The following MSRA variants were observed in gnomAD, a reference collection of about 807,000 sequenced individuals.
MSRA encodes the protein mitochondrial peptide methionine sulfoxide reductase.
MSRA carries 54 observed loss-of-function variants against 31.3 expected under a neutral mutation model. The observed-to-expected ratio is 1.73, with a 90% confidence interval of 1.39 to 2.17. The LOEUF is 2.17. MSRA is among the 30% of genes most tolerant of loss of function. MSRA has a pLI of 0.00. For synonymous variants in MSRA, 169 were observed against 116.5 expected (o/e 1.45, Z -2.90); for missense variants, 507 against 300.9 (o/e 1.69, Z -5.07).
intron 1 of MSRA, among the ~76,000 whole-genome samples, chr8:10,165,972 C>G (rs116476864): frequency 6.6e-6 from 1 of 152,188 alleles, no homozygotes; most frequent in East Asian, 1.9e-4. Context: ...GGGATTTGAA[C>G]TTGGCAGTGA....
At chr8:10,084,865 T>G (rs1001423604) in intron 1 of MSRA, among the ~76,000 whole-genome samples, 2 of 150,516 alleles carry the variant, frequency 1.3e-5, no homozygotes, top group African/African-American at 4.9e-5. Flanking sequence ...GAAATAAGTC[T>G]CGAGTTTAGA....
chr8:10,413,661 T>TAA (rs35633124), intron 5 of MSRA, among the ~76,000 whole-genome samples: 43,777 of 137,186 alleles, frequency 0.32, 7,086 homozygotes, highest in African/African-American at 0.35. Context: ...AGAGAGATAT[T>TAA]AAAAAAAAAA....
At chr8:10,123,982 A>T (rs543350719) in intron 1 of MSRA, among the ~76,000 whole-genome samples, 1 of 151,802 alleles carries the variant, frequency 6.6e-6, no homozygotes, top group African/African-American at 2.4e-5. Flanking sequence ...AGGGAGGAGT[A>T]GGTGTGAAGA....
intron 3 of MSRA, among the ~76,000 whole-genome samples, chr8:10,299,639 A>G (rs1800736632): frequency 6.6e-6 from 1 of 152,156 alleles, no homozygotes; most frequent in Non-Finnish European, 1.5e-5. Context: ...GCTAATAACC[A>G]TGAAATTTGT....
At chr8:10,250,466 T>C in intron 3 of MSRA, 1 of 702,486 alleles carries the variant, frequency 1.4e-6, no homozygotes, top group Non-Finnish European at 2.6e-6. Context: ...TCAAAAGCTT[T>C]TAGAAATCTG....
chr8:10,213,440 T>G (rs997086814), intron 2 of MSRA, among the ~76,000 whole-genome samples: 1 of 142,982 alleles, frequency 7.0e-6, no homozygotes, highest in Admixed American at 7.0e-5. Flanking sequence ...TTCTTTTTTT[T>G]TTTTTTTTTT....
intron 1 of MSRA, among the ~76,000 whole-genome samples, chr8:10,104,750 G>T (rs1213050718): frequency 6.6e-6 from 1 of 152,200 alleles, no homozygotes; most frequent in Admixed American, 6.5e-5. Flanking sequence ...CGGATATAAT[G>T]AGGCATGTCC....
rs552044190 is a variant in MSRA, at chr8:10,142,022, G to T, written c.143-65811G>T. Among the ~76,000 whole-genome samples the T allele has an allele frequency of 7.2e-5, 11 of 152,278 alleles. 1 individual carries two copies. In the South Asian group the frequency reaches 1.9e-3, roughly 26 times the overall value. On this transcript the variant is annotated intron_variant, in intron 1 of 5. Transcript: ENST00000317173. ...TTCCCAGTCTGGAGTGCAATGGCGC[G>T]ATCTTGGCTCACCGCAACCTCTGCC...
chr8:10,180,143 C>T (rs1420335342), intron 1 of MSRA, among the ~76,000 whole-genome samples: 1 of 152,232 alleles, frequency 6.6e-6, no homozygotes, highest in East Asian at 1.9e-4. Flanking sequence ...CTGCACTTCT[C>T]TCTGACTTGA....
intron 5 of MSRA, among the ~76,000 whole-genome samples, chr8:10,334,914 G>T (rs1054918232): frequency 1.3e-5 from 2 of 152,212 alleles, no homozygotes; most frequent in Non-Finnish European, 2.9e-5. Context: ...ATGGCTGTTC[G>T]GGCCCCGCCG....
At chr8:10,096,587 T>G (rs1799171174) in intron 1 of MSRA, among the ~76,000 whole-genome samples, 1 of 152,232 alleles carries the variant, frequency 6.6e-6, no homozygotes, top group African/African-American at 2.4e-5. Flanking sequence ...ATTTTATAAT[T>G]AAACGATTAC....
At chr8:10,058,950 T>C (rs1357242706) in intron 1 of MSRA, 1 of 152,242 alleles carries the variant, frequency 6.6e-6, no homozygotes, top group Non-Finnish European at 1.5e-5. Context: ...AATTGGATTA[T>C]AACATGAATT....
chr8:10,232,696 T>C (rs1167541389), intron 2 of MSRA, among the ~76,000 whole-genome samples: 1 of 152,158 alleles, frequency 6.6e-6, no homozygotes, highest in Non-Finnish European at 1.5e-5. Flanking sequence ...TAAAATCTCA[T>C]AATAAAAAAT....
intron 5 of MSRA, among the ~76,000 whole-genome samples, chr8:10,394,414 ATGT>A (rs1003362887): frequency 1.3e-5 from 2 of 152,252 alleles, no homozygotes; most frequent in Non-Finnish European, 1.5e-5. Flanking sequence ...AAGGGAATTA[ATGT>A]TGTATCAAAG....
At chr8:10,216,349 C>T (rs1380641487) in intron 2 of MSRA, among the ~76,000 whole-genome samples, 2 of 152,168 alleles carry the variant, frequency 1.3e-5, no homozygotes, top group African/African-American at 4.8e-5. Context: ...TCTATGTTTC[C>T]TAGCAGCAAC....
intron 2 of MSRA, 70 bp from the exon 3 acceptor site, chr8:10,245,034 A>G (rs1468775555): frequency 1.7e-5 from 25 of 1,482,612 alleles, no homozygotes; most frequent in Non-Finnish European, 2.2e-5. Flanking sequence ...TAACAGGTGT[A>G]TGTGGATGTG....
chr8:10,175,076 C>G (rs1377306567), intron 1 of MSRA, among the ~76,000 whole-genome samples: 1 of 152,122 alleles, frequency 6.6e-6, no homozygotes, highest in African/African-American at 2.4e-5. Flanking sequence ...ATTTCTGGTT[C>G]TACTCTACCT....
intron 2 of MSRA, among the ~76,000 whole-genome samples, chr8:10,235,794 A>T (rs984809472): frequency 2.6e-5 from 4 of 152,176 alleles, no homozygotes; most frequent in Non-Finnish European, 5.9e-5. Context: ...AAGAAAGGCT[A>T]GCCAACCAAT....
intron 1 of MSRA, among the ~76,000 whole-genome samples, chr8:10,063,184 G>A (rs1441537301): frequency 6.6e-6 from 1 of 152,098 alleles, no homozygotes; most frequent in Non-Finnish European, 1.5e-5. Flanking sequence ...AATCCCAGAA[G>A]CCGCAGTCAG....
Sources: gnomAD v4.1 joint callset for allele counts (sites outside exome capture counted in the v4.1 genomes callset) on GRCh38, gnomAD v4.1.1 for gene constraint, MANE v1.5 for transcripts, NCBI Gene and HGNC (gene_info 2026-07-23, HGNC 2026-07-21) for gene names.